The following FAM13A variants were observed in gnomAD, a reference collection of about 807,000 sequenced individuals.
FAM13A encodes the protein family with sequence similarity 13 member A, also known as protein FAM13A.
FAM13A carries 76 observed loss-of-function variants against 129.6 expected under a neutral mutation model. That is an observed-to-expected ratio of 0.59 (90% CI 0.49 to 0.71). FAM13A has a LOEUF of 0.71. Among genes scored for constraint, FAM13A ranks in the 30% least tolerant of loss-of-function variants. The pLI is 0.00. For missense variants in FAM13A, 1,108 were observed against 1,249.3 expected, an observed-to-expected ratio of 0.89 and a Z score of 1.70; for synonymous variants, 443 against 449.9, an observed-to-expected ratio of 0.98 and a Z score of 0.20.
rs11370599 is a variant in FAM13A at position 89,002,176 on chromosome 4, C to CAAA, written c.428-11029_428-11027dup. 5.5e-3 allele frequency among the ~76,000 whole-genome samples: 637 copies of CAAA among 115,590 alleles called. 13 individuals are homozygous for CAAA. Among genetic ancestry groups the CAAA allele is most frequent in the African/African-American group, 0.016 (511 of 32,790 alleles). 75.8% of individuals were successfully genotyped at this position (115,590 alleles called of 152,430 possible). On this transcript the variant is annotated intron_variant, in intron 3 of 23. Coordinates refer to ENST00000264344, the MANE Select transcript of FAM13A (RefSeq NM_014883.4). ...CTTAAAAAGTGTAAGCACCCAACGG[C>CAAA]AAAAAAAAAAAAAAAAAAGAACAGC...
chr4:88,893,292 G>T (rs943075128), intron 6 of FAM13A, among the ~76,000 whole-genome samples: 2 of 152,126 alleles, frequency 1.3e-5, no homozygotes, highest in Non-Finnish European at 2.9e-5. Flanking sequence ...ACAAAGAAAC[G>T]AAAAGGTCCA....
chr4:88,819,234 C>T (rs1056640474), intron 7 of FAM13A, among the ~76,000 whole-genome samples: 61 of 152,076 alleles, frequency 4.0e-4, no homozygotes, highest in Admixed American at 1.8e-3. Flanking sequence ...TAGACAAACC[C>T]AGGAAAGAAC....
At chr4:89,015,843 G>C (rs761174721) in intron 3 of FAM13A, among the ~76,000 whole-genome samples, 13 of 151,962 alleles carry the variant, frequency 8.6e-5, no homozygotes, top group Admixed American at 2.0e-4. Context: ...CTGCAACACA[G>C]ACTCAGATAT....
chr4:88,844,116 G>C (rs1578920917), intron 7 of FAM13A, among the ~76,000 whole-genome samples: 1 of 152,174 alleles, frequency 6.6e-6, no homozygotes, highest in Admixed American at 6.5e-5. Context: ...TATCACAATA[G>C]CAACTACGGC....
At chr4:88,776,247 G>A (rs905953602) in intron 11 of FAM13A, among the ~76,000 whole-genome samples, 3 of 152,078 alleles carry the variant, frequency 2.0e-5, no homozygotes, top group African/African-American at 7.2e-5. Context: ...TTCTTCCTAG[G>A]AATGAATATA....
intron 7 of FAM13A, among the ~76,000 whole-genome samples, chr4:88,828,974 T>C (rs2149871374): frequency 6.6e-6 from 1 of 152,336 alleles, no homozygotes; most frequent in South Asian, 2.1e-4. Context: ...GGCTTGCAGA[T>C]TTCTAATTTT....
chr4:88,823,335 C>G, intron 7 of FAM13A: 3 of 1,107,562 alleles, frequency 2.7e-6, no homozygotes, highest in Non-Finnish European at 3.3e-6. Context: ...CCTCCTCCCC[C>G]GCACCCTACT....
At chr4:88,922,145 G>C (rs1334143636) in intron 5 of FAM13A, among the ~76,000 whole-genome samples, 2 of 151,992 alleles carry the variant, frequency 1.3e-5, no homozygotes, top group South Asian at 2.1e-4. Context: ...AGATCAATGA[G>C]ACAGAAAGTT....
intron 6 of FAM13A, among the ~76,000 whole-genome samples, chr4:88,886,372 T>G (rs1185610237): frequency 3.3e-5 from 5 of 152,080 alleles, no homozygotes; most frequent in African/African-American, 1.2e-4. Context: ...GCAGATCACC[T>G]GAGGTCAGGA....
intron 7 of FAM13A, among the ~76,000 whole-genome samples, chr4:88,812,025 T>TC (rs1344508590): frequency 1.3e-5 from 2 of 152,038 alleles, no homozygotes; most frequent in African/African-American, 2.4e-5. Flanking sequence ...TTTGACACTC[T>TC]CCCCCCTGCT....
chr4:88,854,449 G>T (rs567948757), intron 6 of FAM13A, among the ~76,000 whole-genome samples: 1 of 152,194 alleles, frequency 6.6e-6, no homozygotes, highest in African/African-American at 2.4e-5. Flanking sequence ...AAGGGTTGGG[G>T]ATACAGACTG....
In FAM13A at chr4:88,728,478, T is replaced by A. The variant is rs920774354; in HGVS notation, c.*55A>T. The A allele has an allele frequency of 5.8e-5, 94 of 1,610,624 alleles. No individual in the cohort carries two copies. The highest frequency in any genetic ancestry group is 7.8e-5 in the Non-Finnish European group (92 of 1,178,590). On this transcript the variant is annotated 3_prime_UTR_variant, in exon 24 of 24. Coordinates refer to ENST00000264344, the MANE Select transcript of FAM13A (RefSeq NM_014883.4). ...CTGCCTTCCAGAGCTGCACTTTCTC[T>A]GGGGACAGTAAACTCTCACCGCAGC...
At chr4:88,832,430 TATC>T (rs1365052415) in intron 7 of FAM13A, among the ~76,000 whole-genome samples, 3 of 152,116 alleles carry the variant, frequency 2.0e-5, no homozygotes, top group Non-Finnish European at 4.4e-5. Context: ...CAAAAGAAAC[TATC>T]ATCAGAGTGA....
At position 88,770,226 on chromosome 4, in the gene FAM13A, A is replaced by G. The variant is rs1720368252; in HGVS notation, c.1459-2167T>C. 2.0e-5 allele frequency among the ~76,000 whole-genome samples: 3 copies of G among 152,246 alleles called. No individual in the cohort carries two copies. In the South Asian group the frequency reaches 6.2e-4, roughly 32 times the overall value. Reference sequence around the variant, plus strand: ...AAGAGGCCTTTATAAAATGGCTCCCATTAAATCAAGAATAATTGCTCTTAT... The same window carrying G: ...AAGAGGCCTTTATAAAATGGCTCCCGTTAAATCAAGAATAATTGCTCTTAT... On this transcript the variant is annotated intron_variant, in intron 11 of 23. Transcript: ENST00000264344.
intron 4 of FAM13A, among the ~76,000 whole-genome samples, chr4:88,981,875 A>G (rs1761701864): frequency 6.6e-6 from 1 of 152,210 alleles, no homozygotes; most frequent in Admixed American, 6.5e-5. Context: ...ACTCTTATTT[A>G]ACTGTTCTAG....
chr4:88,928,632 G>T (rs1752573970), intron 5 of FAM13A, among the ~76,000 whole-genome samples: 1 of 151,830 alleles, frequency 6.6e-6, no homozygotes, highest in South Asian at 2.1e-4. Flanking sequence ...GCTTGGTTTT[G>T]GTTTCTGTTT....
chr4:88,754,853 A>C (rs1366837949), intron 14 of FAM13A, among the ~76,000 whole-genome samples: 1 of 152,190 alleles, frequency 6.6e-6, no homozygotes, highest in African/African-American at 2.4e-5. Context: ...TAATAGCTCC[A>C]TTTAAATCAT....
intron 7 of FAM13A, among the ~76,000 whole-genome samples, chr4:88,825,234 G>T (rs1732773765): frequency 6.6e-6 from 1 of 151,048 alleles, no homozygotes; most frequent in Non-Finnish European, 1.5e-5. Context: ...TTTTGGGGGG[G>T]GGATGGAATC....
At chr4:88,743,803 G>A (rs1740726075) in intron 19 of FAM13A, among the ~76,000 whole-genome samples, 1 of 152,180 alleles carries the variant, frequency 6.6e-6, no homozygotes, top group South Asian at 2.1e-4. Context: ...CTGTGCTTAT[G>A]AACAGTGTCA....
Sources: allele counts gnomAD v4.1 joint callset (sites outside exome capture counted in the v4.1 genomes callset), GRCh38; gene constraint gnomAD v4.1.1; transcripts MANE v1.5; gene names NCBI Gene and HGNC (gene_info 2026-07-23, HGNC 2026-07-21).